Variants in GON4L observed in about 807,000 individuals in gnomAD.
GON4L encodes GON-4-like protein.
GON4L carries 87 observed loss-of-function variants against 211.8 expected under a neutral mutation model. The ratio of observed to expected loss-of-function variants is 0.41; its 90% CI spans 0.35 to 0.49. The LOEUF (loss-of-function observed/expected upper bound fraction) is 0.49. Ranked by LOEUF, GON4L falls within the 20% of genes least tolerant of loss-of-function variation. The probability of loss-of-function intolerance (pLI) is 0.15; values close to 1 mark genes in which losing one functional copy is unlikely to be tolerated. For missense variants in GON4L, 2,155 were observed against 2,659.5 expected (o/e 0.81, Z 4.17); for synonymous variants, 875 against 962.6 (o/e 0.91, Z 1.68).
chr1:155,753,398 G>C lies in GON4L; in HGVS notation c.5648C>G (p.Ser1883Cys), dbSNP rs1475472893. 6.2e-7 allele frequency: 1 copy of C among 1,613,270 alleles called. No homozygotes were observed. The highest frequency in any genetic ancestry group is 8.5e-7 in the Non-Finnish European group (1 of 1,179,534). Residue 1883 changes from serine (S) to cysteine (C), a missense_variant, in exon 29 of 32, where the codon TCC becomes TGC. Transcript: ENST00000368331. ...CTCATGGGGCTCCTTGCTCTTGTAG[G>C]ATTTGCTGTCACAGACCTGCAGGGA... ...HCSSKVCDSK[S>C]YKSKEPHELV...
intron 2 of GON4L, among the ~76,000 whole-genome samples, chr1:155,844,745 G>A (rs1043901715): frequency 1.3e-5 from 2 of 152,020 alleles, no homozygotes; most frequent in African/African-American, 4.8e-5. Flanking sequence ...GTGACAGAGC[G>A]AGATCCTGTC....
intron 11 of GON4L, among the ~76,000 whole-genome samples, chr1:155,797,557 C>T (rs143995932): frequency 6.6e-6 from 1 of 151,134 alleles, no homozygotes; most frequent in African/African-American, 2.4e-5. Flanking sequence ...ACATATACAG[C>T]CTGGGGCCAA....
chr1:155,782,264 A>G (rs1482494530), intron 14 of GON4L, among the ~76,000 whole-genome samples: 1 of 152,244 alleles, frequency 6.6e-6, no homozygotes, highest in Admixed American at 6.5e-5. Context: ...CTGAAAGAGA[A>G]GCAGCAGCTG....
intron 19 of GON4L, among the ~76,000 whole-genome samples, chr1:155,769,070 A>C (rs1414357361): frequency 2.0e-5 from 3 of 151,976 alleles, no homozygotes; most frequent in Non-Finnish European, 4.4e-5. Context: ...CTGTCTCCCT[A>C]GTTCAAGTGA....
chr1:155,788,829 G>A (rs182544076), intron 12 of GON4L, among the ~76,000 whole-genome samples: 16 of 152,146 alleles, frequency 1.1e-4, no homozygotes, highest in African/African-American at 3.6e-4. Context: ...AGTGGCTCAC[G>A]CCTGTAATCC....
intron 12 of GON4L, among the ~76,000 whole-genome samples, chr1:155,791,920 AACATC>A (rs752463648): frequency 0.18 from 23,149 of 127,822 alleles, 2,023 homozygotes; most frequent in African/African-American, 0.24. Context: ...AACATAACAT[AACATC>A]ACATAACATA....
chr1:155,830,752 A>G (rs960443744), intron 2 of GON4L, among the ~76,000 whole-genome samples: 1 of 151,608 alleles, frequency 6.6e-6, no homozygotes, highest in Admixed American at 6.6e-5. Flanking sequence ...ATGCCCAGCT[A>G]ATTTTATTTT....
intron 12 of GON4L, among the ~76,000 whole-genome samples, chr1:155,788,229 G>C (rs1028015259): frequency 1.3e-5 from 2 of 151,608 alleles, no homozygotes; most frequent in African/African-American, 4.8e-5. Flanking sequence ...CTGACCTCAA[G>C]TGATCTGCCT....
At chr1:155,801,191 AG>A (rs1374612671) in intron 11 of GON4L, among the ~76,000 whole-genome samples, 9 of 151,736 alleles carry the variant, frequency 5.9e-5, no homozygotes, top group African/African-American at 2.2e-4. Context: ...TGGTAGAAAC[AG>A]GAAGTGTCAA....
chr1:155,788,191 C>T (rs1665155657), intron 12 of GON4L, among the ~76,000 whole-genome samples: 2 of 152,202 alleles, frequency 1.3e-5, no homozygotes, highest in South Asian at 4.1e-4. Context: ...CGGTGTTTCA[C>T]CATGTTGCCC....
At chr1:155,784,298 A>G in intron 13 of GON4L, 1 of 572,224 alleles carries the variant, frequency 1.7e-6, no homozygotes, top group South Asian at 1.9e-5. Context: ...TCATTCAACC[A>G]GTCAACTTGT....
chr1:155,753,845 T>G (rs1660866114), intron 28 of GON4L, among the ~76,000 whole-genome samples: 1 of 151,998 alleles, frequency 6.6e-6, no homozygotes, highest in African/African-American at 2.4e-5. Context: ...CTGAGTGCCC[T>G]GTTGCCCAGC....
chr1:155,755,559 T>C (rs1366943942), intron 27 of GON4L, among the ~76,000 whole-genome samples: 1 of 152,090 alleles, frequency 6.6e-6, no homozygotes, highest in Non-Finnish European at 1.5e-5. Flanking sequence ...GGGAAATCAA[T>C]AGCCCAAACT....
In GON4L at chr1:155,776,480, T is replaced by C; in HGVS notation, c.2093A>G (p.His698Arg). Reference sequence around the variant, plus strand: ...GTGGATTTGGGTCAAGAGCTGAACGTGCTGGGGATGGAAAGAAAATGATGA... The same window carrying C: ...GTGGATTTGGGTCAAGAGCTGAACGCGCTGGGGATGGAAAGAAAATGATGA... Reference protein sequence around the residue: ...RKRLQQQMQQHVQLLTQIHLL... With the variant: ...RKRLQQQMQQRVQLLTQIHLL... Residue 698 changes from histidine to arginine, a missense_variant and splice_region_variant, in exon 16 of 32, where the codon CAC becomes CGC. This residue lies in a region of GON4L where 551 missense variants were observed against 854.0 expected (regional missense o/e 0.65). Transcript: ENST00000368331. The C allele has an allele frequency of 6.2e-7, 1 of 1,607,874 alleles. No homozygotes were observed. The highest frequency in any genetic ancestry group is 8.5e-7 in the Non-Finnish European group (1 of 1,174,530).
intron 10 of GON4L, among the ~76,000 whole-genome samples, chr1:155,809,006 C>G (rs1157540570): frequency 6.6e-6 from 1 of 152,008 alleles, no homozygotes; most frequent in Non-Finnish European, 1.5e-5. Flanking sequence ...CTCAAGCTCC[C>G]AGGCTTAATC....
intron 24 of GON4L, among the ~76,000 whole-genome samples, chr1:155,759,442 C>T (rs969112712): frequency 6.6e-6 from 1 of 151,834 alleles, no homozygotes; most frequent in African/African-American, 2.4e-5. Flanking sequence ...GTGGTGGTGG[C>T]GCATGCCTGT....
At chr1:155,787,439 A>C (rs1421768338) in intron 12 of GON4L, among the ~76,000 whole-genome samples, 1 of 152,204 alleles carries the variant, frequency 6.6e-6, no homozygotes, top group African/African-American at 2.4e-5. Context: ...GAGGACTGTG[A>C]ACAATTCTAT....
intron 8 of GON4L, among the ~76,000 whole-genome samples, chr1:155,814,845 T>C (rs186345833): frequency 5.3e-5 from 8 of 152,092 alleles, no homozygotes; most frequent in African/African-American, 1.9e-4. Flanking sequence ...GCAGTCAGTG[T>C]CTTATGCCTG....
intron 2 of GON4L, among the ~76,000 whole-genome samples, chr1:155,849,773 C>T: frequency 1.3e-5 from 1 of 77,308 alleles, no homozygotes; most frequent in East Asian, 3.4e-4. Flanking sequence ...GACTCCGTCT[C>T]AAAAAAAAAA....
Sources: gnomAD v4.1 joint callset for allele counts (sites outside exome capture counted in the v4.1 genomes callset) on GRCh38, gnomAD v4.1.1 for gene constraint, gnomAD v4.1.1 regional missense constraint, MANE v1.5 for transcripts, NCBI Gene and HGNC (gene_info 2026-07-23, HGNC 2026-07-21) for gene names.